Variants in TTC29 observed in about 807,000 individuals in gnomAD.
The protein encoded by TTC29 is tetratricopeptide repeat protein 29.
A neutral mutation model predicts 58.1 loss-of-function variants in TTC29; 49 were observed. That is an observed-to-expected ratio of 0.84 (90% CI 0.67 to 1.07). The LOEUF (loss-of-function observed/expected upper bound fraction) is 1.07, where lower values mean the gene tolerates loss of function less well. Ranked by LOEUF, TTC29 falls within the 50% of genes least tolerant of loss-of-function variation. The pLI is 0.00. For synonymous variants in TTC29, 209 were observed against 196.8 expected (o/e 1.06, Z -0.52); for missense variants, 582 against 555.6 (o/e 1.05, Z -0.48).
chr4:146,941,471 T>TG (rs1268980681), intron 2 of TTC29, among the ~76,000 whole-genome samples: 2 of 152,084 alleles, frequency 1.3e-5, no homozygotes, highest in Non-Finnish European at 2.9e-5. Context: ...CTTTGCAGTA[T>TG]GGGGGTAAAT....
At chr4:146,880,525 T>C (rs1731555664) in intron 6 of TTC29, among the ~76,000 whole-genome samples, 1 of 152,122 alleles carries the variant, frequency 6.6e-6, no homozygotes, top group Non-Finnish European at 1.5e-5. Context: ...TAAGATTTTA[T>C]ATAGTTGGGT....
intron 4 of TTC29, among the ~76,000 whole-genome samples, chr4:146,927,767 G>A (rs1251553034): frequency 1.3e-5 from 2 of 152,104 alleles, no homozygotes; most frequent in Non-Finnish European, 2.9e-5. Context: ...AGTTGAAGCT[G>A]GAAGATAAAA....
intron 8 of TTC29, among the ~76,000 whole-genome samples, chr4:146,834,226 T>C (rs188672780): frequency 6.6e-6 from 1 of 152,312 alleles, no homozygotes; most frequent in Non-Finnish European, 1.5e-5. Flanking sequence ...GGGATTATTA[T>C]CTAACGTAAT....
chr4:146,908,924 G>T, intron 5 of TTC29, 102 bp downstream of exon 5: 2 of 979,534 alleles, frequency 2.0e-6, no homozygotes, highest in Non-Finnish European at 3.1e-6. Flanking sequence ...GTGCTAAGTT[G>T]TCTTAATGTT....
chr4:146,742,921 A>G (rs975462520), intron 11 of TTC29, among the ~76,000 whole-genome samples: 2 of 152,102 alleles, frequency 1.3e-5, no homozygotes, highest in African/African-American at 2.4e-5. Flanking sequence ...ATTTCAATGG[A>G]AATATAAAAC....
At chr4:146,931,106 G>C (rs922721882) in intron 4 of TTC29, among the ~76,000 whole-genome samples, 2 of 152,092 alleles carry the variant, frequency 1.3e-5, no homozygotes, top group Non-Finnish European at 2.9e-5. Flanking sequence ...ACTTTGGGAG[G>C]CTGAGGTGAG....
intron 4 of TTC29, among the ~76,000 whole-genome samples, chr4:146,932,552 T>C (rs1416929467): frequency 6.6e-6 from 1 of 152,138 alleles, no homozygotes; most frequent in Non-Finnish European, 1.5e-5. Flanking sequence ...GCTCCATATG[T>C]TTGAGTGCCA....
intron 11 of TTC29, among the ~76,000 whole-genome samples, chr4:146,798,715 G>A (rs148396781): frequency 1.2e-4 from 18 of 151,366 alleles, no homozygotes; most frequent in African/African-American, 2.9e-4. Flanking sequence ...GTGAAACCCC[G>A]TCTCTACTAA....
chr4:146,893,340 C>A (rs1429564098), intron 6 of TTC29, among the ~76,000 whole-genome samples: 1 of 152,130 alleles, frequency 6.6e-6, no homozygotes, highest in Non-Finnish European at 1.5e-5. Context: ...GACATATAGA[C>A]CAATGGAACA....
chr4:146,825,549 C>T lies in TTC29; in HGVS notation c.978-5301G>A, dbSNP rs146336984. ...ATGTGGTCAATTTTAGAATAAGTGC[C>T]ATGTGGCACTGAGAAGAATGTATGT... is the stretch of plus-strand genomic sequence containing the variant. On this transcript the variant is annotated intron_variant, in intron 9 of 12. Coordinates refer to ENST00000325106, the MANE Select transcript of TTC29 (RefSeq NM_031956.4). Among the ~76,000 whole-genome samples, 284 of 152,132 alleles carry T rather than the reference C, an allele frequency of 1.9e-3. 1 individual carries two copies. The highest frequency in any genetic ancestry group is 0.01 in the Middle Eastern group (3 of 294).
At chr4:146,725,473 G>C (rs1383436432) in intron 11 of TTC29, among the ~76,000 whole-genome samples, 1 of 152,152 alleles carries the variant, frequency 6.6e-6, no homozygotes, top group African/African-American at 2.4e-5. Flanking sequence ...GGAGGTCAAA[G>C]CTGCAGTGAG....
chr4:146,945,240 T>C (rs1184237741), intron 1 of TTC29, among the ~76,000 whole-genome samples, 163 bp from the exon 2 acceptor site: 3 of 152,214 alleles, frequency 2.0e-5, no homozygotes, highest in South Asian at 2.1e-4. Flanking sequence ...AATCCCCAAG[T>C]ATAGATCCTA....
At chr4:146,717,648 A>G (rs1182156812) in intron 11 of TTC29, among the ~76,000 whole-genome samples, 1 of 152,168 alleles carries the variant, frequency 6.6e-6, no homozygotes, top group African/African-American at 2.4e-5. Context: ...TTTATGGGGT[A>G]CAAAGTGATG....
At chr4:146,793,665 A>C (rs1002033547) in intron 11 of TTC29, among the ~76,000 whole-genome samples, 7 of 152,078 alleles carry the variant, frequency 4.6e-5, no homozygotes, top group African/African-American at 1.7e-4. Context: ...TTTCCTTCAA[A>C]TTGATGTGCA....
At chr4:146,746,624 T>C (rs891655861) in intron 11 of TTC29, among the ~76,000 whole-genome samples, 9 of 152,230 alleles carry the variant, frequency 5.9e-5, no homozygotes, top group African/African-American at 2.2e-4. Context: ...GCAATTTTTA[T>C]TGTGTGTGTG....
chr4:146,769,582 A>G (rs1244749702), intron 11 of TTC29, among the ~76,000 whole-genome samples: 1 of 152,028 alleles, frequency 6.6e-6, no homozygotes, highest in African/African-American at 2.4e-5. Flanking sequence ...TTAAAAACAA[A>G]AGAAAGTCAG....
At chr4:146,845,222 G>A (rs896990059) in intron 8 of TTC29, among the ~76,000 whole-genome samples, 12 of 152,140 alleles carry the variant, frequency 7.9e-5, no homozygotes, top group Non-Finnish European at 1.5e-4. Flanking sequence ...TGAAACAGCT[G>A]CCTTAGAGTT....
At chr4:146,759,468 A>G (rs904084362) in intron 11 of TTC29, among the ~76,000 whole-genome samples, 9 of 152,096 alleles carry the variant, frequency 5.9e-5, no homozygotes, top group African/African-American at 2.2e-4. Flanking sequence ...CAAAACCAGG[A>G]AAGGACATAA....
rs1318738785 is a variant in TTC29, at chr4:146,803,507, A to G, written c.1280T>C (p.Leu427Pro). ...ESADLTSLNY[L>P]LSWKESRGNI... ...ACCTCTGCTCTCCTTCCATGACAGC[A>G]GGTAGTTGAGGCTGGTGAGATCTGC... Residue 427 changes from leucine to proline, a missense_variant, in exon 11 of 13, where the codon CTG (leucine) becomes CCG (proline). Transcript: ENST00000325106. 5.0e-6 allele frequency: 8 copies of G among 1,600,362 alleles called. No homozygotes were observed. Among genetic ancestry groups the G allele is most frequent in the South Asian group, 4.5e-5 (4 of 88,666 alleles).
Sources: gnomAD v4.1 joint callset for allele counts (sites outside exome capture counted in the v4.1 genomes callset) on GRCh38, gnomAD v4.1.1 for gene constraint, MANE v1.5 for transcripts, NCBI Gene and HGNC (gene_info 2026-07-23, HGNC 2026-07-21) for gene names.